The following FER variants were observed in gnomAD, a reference collection of about 807,000 sequenced individuals.
The protein encoded by FER is FER tyrosine kinase, also known as tyrosine-protein kinase Fer.
Under a neutral mutation model 111.0 loss-of-function variants are expected in FER, and 63 were observed. The ratio of observed to expected loss-of-function variants is 0.57; its 90% CI spans 0.46 to 0.70. The LOEUF (loss-of-function observed/expected upper bound fraction) is 0.70, where lower values mean the gene tolerates loss of function less well. FER is among the 30% of genes least tolerant of loss of function. The probability of loss-of-function intolerance (pLI) is 0.00; values close to 1 mark genes in which losing one functional copy is unlikely to be tolerated. For synonymous variants in FER, 327 were observed against 313.9 expected (o/e 1.04, Z -0.44); for missense variants, 914 against 954.0 (o/e 0.96, Z 0.55).
chr5:108,937,141 A>G (rs1755579005), intron 10 of FER, among the ~76,000 whole-genome samples: 1 of 152,006 alleles, frequency 6.6e-6, no homozygotes, highest in Non-Finnish European at 1.5e-5. Flanking sequence ...GCTTAACTTC[A>G]TCATTAATAT....
intron 10 of FER, among the ~76,000 whole-genome samples, chr5:108,923,175 T>G (rs1187880881): frequency 6.6e-6 from 1 of 152,006 alleles, no homozygotes; most frequent in Non-Finnish European, 1.5e-5. Flanking sequence ...TATATTGTCT[T>G]TTATTGTTTA....
At chr5:109,030,457 C>A (rs2149858857) in intron 13 of FER, among the ~76,000 whole-genome samples, 1 of 152,140 alleles carries the variant, frequency 6.6e-6, no homozygotes, top group East Asian at 1.9e-4. Flanking sequence ...CAGGTAGTTA[C>A]CTTGTTTAGG....
intron 17 of FER, among the ~76,000 whole-genome samples, chr5:109,172,087 G>A (rs1279197972): frequency 6.6e-6 from 1 of 152,008 alleles, no homozygotes; most frequent in Non-Finnish European, 1.5e-5. Context: ...AATTCCTCAG[G>A]GATCTAGAAC....
chr5:108,947,451 T>A (rs933034807), intron 11 of FER, among the ~76,000 whole-genome samples: 3 of 152,100 alleles, frequency 2.0e-5, no homozygotes, highest in Non-Finnish European at 4.4e-5. Flanking sequence ...TAATGACTAA[T>A]GATGTTGAGC....
intron 10 of FER, chr5:108,924,793 A>G: frequency 8.1e-7 from 1 of 1,232,002 alleles, no homozygotes; most frequent in South Asian, 4.1e-5. Flanking sequence ...AGATCAGGTA[A>G]GGAGAAGTTC....
rs530137579 is a variant in FER at position 108,924,799 on chromosome 5, A to T, written c.1237-21331A>T. ...AGTCCACAGAGATCAGGTAAGGAGA[A>T]GTTCTGCCACAGGCCTACTTTACCC... On this transcript the variant is annotated intron_variant, in intron 10 of 19. Transcript: ENST00000281092. 4 of 1,231,944 alleles carry T rather than the reference A, an allele frequency of 3.2e-6. No homozygotes were observed. In the African/African-American group the frequency reaches 6.2e-5, roughly 19 times the overall value. The allele number at this position is 1,231,944 out of a possible 1,614,324, so 76.3% of individuals were successfully genotyped here. A position where few individuals can be genotyped will look rare whatever the true frequency, so the allele number is the denominator to read the frequency against.
intron 5 of FER, among the ~76,000 whole-genome samples, chr5:108,851,747 T>G (rs1438450442): frequency 6.6e-6 from 1 of 152,184 alleles, no homozygotes; most frequent in African/African-American, 2.4e-5. Flanking sequence ...TACCTTGTAA[T>G]TATATATTCA....
At position 109,118,436 on chromosome 5, in the gene FER, A is replaced by G. The variant is rs568421379; in HGVS notation, c.2048+17917A>G. Among the ~76,000 whole-genome samples the G allele has an allele frequency of 6.6e-5, 10 of 152,266 alleles. No homozygotes were observed. In the East Asian group the frequency reaches 1.4e-3, roughly 21 times the overall value. On this transcript the variant is annotated intron_variant, in intron 17 of 19. Transcript: ENST00000281092. ...CATTTTATTGAGGATTTTTGCATCA[A>G]TGTTCATCATGGATATTGGTCTAAA... is the stretch of plus-strand genomic sequence containing the variant.
intron 5 of FER, among the ~76,000 whole-genome samples, chr5:108,845,306 G>A (rs533522984): frequency 1.3e-3 from 197 of 150,884 alleles, no homozygotes; most frequent in African/African-American, 4.3e-3. Flanking sequence ...TGAGTAGCTG[G>A]GACTACAGGT....
At chr5:109,035,700 C>T (rs1288881246) in intron 13 of FER, among the ~76,000 whole-genome samples, 1 of 152,146 alleles carries the variant, frequency 6.6e-6, no homozygotes. Context: ...TTATGAGAAA[C>T]TTCCAAATTA....
At chr5:109,121,004 T>G (rs115727012) in intron 17 of FER, among the ~76,000 whole-genome samples, 1,588 of 152,252 alleles carry the variant, frequency 0.01, 22 homozygotes, top group African/African-American at 0.036. Context: ...GTGGAGTCTT[T>G]AGGTATTTTC....
At chr5:108,813,408 A>G (rs1187766926) in intron 3 of FER, among the ~76,000 whole-genome samples, 3 of 152,088 alleles carry the variant, frequency 2.0e-5, no homozygotes, top group Non-Finnish European at 2.9e-5. Flanking sequence ...TTTTAAACCC[A>G]TGGGCTACTA....
At chr5:108,869,024 G>A (rs766876603) in intron 6 of FER, among the ~76,000 whole-genome samples, 21 of 151,964 alleles carry the variant, frequency 1.4e-4, no homozygotes, top group South Asian at 2.1e-4. Flanking sequence ...AGACCTTAGC[G>A]ATAACCTTGA....
chr5:109,049,785 G>A (rs1044081760), intron 16 of FER, among the ~76,000 whole-genome samples: 10 of 152,258 alleles, frequency 6.6e-5, no homozygotes, highest in African/African-American at 2.4e-4. Context: ...TTCACCAGTC[G>A]TCTGTGATGA....
intron 5 of FER, among the ~76,000 whole-genome samples, chr5:108,863,121 C>G (rs1219174737): frequency 6.6e-6 from 1 of 151,938 alleles, no homozygotes; most frequent in Non-Finnish European, 1.5e-5. Context: ...GTTGCACTGA[C>G]CTTTTTTTTT....
intron 13 of FER, among the ~76,000 whole-genome samples, chr5:108,960,949 G>A (rs766515886): frequency 6.6e-5 from 10 of 152,240 alleles, no homozygotes; most frequent in Middle Eastern, 3.4e-3. Flanking sequence ...TTAGCTGGGG[G>A]TAGTGGCACA....
chr5:108,790,596 T>G (rs1184450586), intron 2 of FER, among the ~76,000 whole-genome samples: 1 of 152,256 alleles, frequency 6.6e-6, no homozygotes, highest in Admixed American at 6.5e-5. Flanking sequence ...GGGAAGCTTA[T>G]GCTAACTGAT....
chr5:108,862,390 A>G (rs113026369), intron 5 of FER, among the ~76,000 whole-genome samples: 84 of 152,302 alleles, frequency 5.5e-4, no homozygotes, highest in African/African-American at 1.6e-3. Context: ...CCAGCTAGAA[A>G]GACAGATGGG....
intron 16 of FER, among the ~76,000 whole-genome samples, chr5:109,094,267 C>G (rs527438551): frequency 6.6e-6 from 1 of 150,866 alleles, no homozygotes; most frequent in South Asian, 2.1e-4. Flanking sequence ...TGAAAATAGA[C>G]AAAACAATCA....
Sources: allele counts gnomAD v4.1 joint callset (sites outside exome capture counted in the v4.1 genomes callset), GRCh38; gene constraint gnomAD v4.1.1; transcripts MANE v1.5; gene names NCBI Gene and HGNC (gene_info 2026-07-23, HGNC 2026-07-21).